NUP93: variants seen among roughly 807,000 people sequenced by gnomAD.
NUP93 encodes nucleoporin 93, also known as nuclear pore complex protein Nup93.
In NUP93, 55 loss-of-function variants were observed where a neutral mutation model predicts 107.8. The observed-to-expected ratio is 0.51, with a 90% CI of 0.41 to 0.64. The LOEUF is 0.64. NUP93 is among the 30% of genes least tolerant of loss of function. NUP93 has a pLI of 0.00. For synonymous variants in NUP93, 390 were observed against 397.5 expected (o/e 0.98, Z 0.22); for missense variants, 937 against 1,044.7 (o/e 0.90, Z 1.42).
chr16:56,756,300 C>CG lies in NUP93; in HGVS notation c.180-2238_180-2237insG, dbSNP rs1226217386. ...CTAATGCTCTCTCTCTCCTTGCCCCCCCCCCCCCCGACAGGCTCCTATGTG... is the reference window on the plus strand; with the variant it reads ...CTAATGCTCTCTCTCTCCTTGCCCCCGCCCCCCCCCGACAGGCTCCTATGTG... On this transcript the variant is annotated intron_variant, in intron 2 of 21. Coordinates refer to ENST00000308159, the MANE Select transcript of NUP93 (RefSeq NM_014669.5). 4.2e-5 allele frequency among the ~76,000 whole-genome samples: 3 copies of CG among 72,096 alleles called. 1 individual carries two copies. The highest frequency in any genetic ancestry group is 1.1e-3 in the East Asian group (2 of 1,752). The allele number at this position is 72,096 out of a possible 152,430, so 47.3% of individuals were successfully genotyped here.
chr16:56,772,896 T>C (rs1434583028), intron 3 of NUP93, among the ~76,000 whole-genome samples: 1 of 152,170 alleles, frequency 6.6e-6, no homozygotes, highest in East Asian at 1.9e-4. Flanking sequence ...GTGCGAAATA[T>C]GTATTTGGTC....
At chr16:56,820,018 T>C (rs1486149377) in intron 6 of NUP93, among the ~76,000 whole-genome samples, 2 of 152,220 alleles carry the variant, frequency 1.3e-5, no homozygotes, top group Admixed American at 1.3e-4. Flanking sequence ...ACCCTTCACC[T>C]TCATTATATG....
At chr16:56,768,744 G>C (rs1348349352) in intron 3 of NUP93, among the ~76,000 whole-genome samples, 1 of 151,364 alleles carries the variant, frequency 6.6e-6, no homozygotes, top group African/African-American at 2.4e-5. Context: ...GCGGGCGCCT[G>C]TAGTCCCAGC....
At chr16:56,818,885 C>A (rs1191729252) in intron 6 of NUP93, 147 bp downstream of exon 6, 6 of 633,204 alleles carry the variant, frequency 9.5e-6, no homozygotes, top group Non-Finnish European at 1.7e-5. Context: ...TTAGCATAGG[C>A]CACTGGAGAA....
intron 3 of NUP93, among the ~76,000 whole-genome samples, chr16:56,771,547 T>TA (rs1218504202): frequency 6.6e-6 from 1 of 152,196 alleles, no homozygotes; most frequent in Non-Finnish European, 1.5e-5. Flanking sequence ...GACCATTTCT[T>TA]ACCTGTTTTC....
intron 5 of NUP93, among the ~76,000 whole-genome samples, chr16:56,806,939 C>T (rs1390432632): frequency 1.3e-5 from 2 of 152,104 alleles, no homozygotes; most frequent in East Asian, 1.9e-4. Context: ...CTGCTACAGT[C>T]TCTTCTCAAC....
chr16:56,758,503 T>A (rs1183319846), intron 2 of NUP93, 35 bp from the exon 3 acceptor site: 1 of 1,505,432 alleles, frequency 6.6e-7, no homozygotes, highest in Admixed American at 1.7e-5. Context: ...AATTTTCCCC[T>A]TACTTATATC....
chr16:56,787,422 T>C (rs1962652641), intron 3 of NUP93, among the ~76,000 whole-genome samples: 1 of 152,192 alleles, frequency 6.6e-6, no homozygotes. Context: ...CAGTGCTCCT[T>C]GTGCTTGCTA....
Position 56,814,613 on chromosome 16 carries a change from C to T in NUP93, c.490-4051C>T, listed in dbSNP as rs373304978. 8.5e-5 allele frequency among the ~76,000 whole-genome samples: 13 copies of T among 152,306 alleles called. No homozygotes were observed. In the East Asian group the frequency reaches 1.9e-3, roughly 23 times the overall value. ...GTTTGCGGTTCCCTCCTGCCACTTT[C>T]GGTCCCCATCCTGTCCTGGAATGGC... On this transcript the variant is annotated intron_variant, in intron 5 of 21. Coordinates refer to ENST00000308159, the MANE Select transcript of NUP93 (RefSeq NM_014669.5).
At chr16:56,798,611 T>A in intron 4 of NUP93, 73 bp downstream of exon 4, 1 of 1,210,320 alleles carries the variant, frequency 8.3e-7, no homozygotes, top group Non-Finnish European at 1.2e-6. Context: ...CTCACATCTG[T>A]AATCCTAACA....
intron 3 of NUP93, among the ~76,000 whole-genome samples, chr16:56,761,042 A>G (rs1363620404): frequency 6.6e-6 from 1 of 152,212 alleles, no homozygotes; most frequent in Non-Finnish European, 1.5e-5. Flanking sequence ...CAAAATGGTC[A>G]GTCCAAGATA....
intron 1 of NUP93, among the ~76,000 whole-genome samples, chr16:56,744,810 A>C (rs774673459): frequency 3.9e-5 from 6 of 152,210 alleles, no homozygotes; most frequent in African/African-American, 7.2e-5. Flanking sequence ...GTGCTGCCTC[A>C]GAAATGTTAA....
In NUP93 at chr16:56,841,811, G is replaced by A. The variant is rs773948257; in HGVS notation, c.2327G>A (p.Arg776Gln). The stretch of plus-strand genomic sequence containing the variant: ...CCATCCTCGTCATCCAGGCCCCAGC[G>A]AGTCATCGAGGACCGCGACTCTGTA... ...TSPSSSSRPQ[R>Q]VIEDRDSQLR... Residue 776 changes from arginine to glutamine, a missense_variant, in exon 21 of 22, where the codon CGA becomes CAA. Coordinates refer to ENST00000308159, the MANE Select transcript of NUP93 (RefSeq NM_014669.5). The A allele has an allele frequency of 5.6e-6, 9 of 1,614,024 alleles. No homozygotes were observed. The highest frequency in any genetic ancestry group is 4.4e-5 in the South Asian group (4 of 91,080).
intron 4 of NUP93, among the ~76,000 whole-genome samples, chr16:56,803,522 G>A (rs187405939): frequency 3.9e-5 from 6 of 151,974 alleles, no homozygotes; most frequent in South Asian, 2.1e-4. Flanking sequence ...TTATTATATC[G>A]TAAGATACTA....
At chr16:56,763,495 T>TGG (rs1555491282) in intron 3 of NUP93, among the ~76,000 whole-genome samples, 1 of 149,742 alleles carries the variant, frequency 6.7e-6, no homozygotes, top group African/African-American at 2.4e-5. Flanking sequence ...TGTGTGTGTG[T>TGG]GTGGGTGGGT....
At position 56,848,406 on chromosome 16, in the gene NUP93, T is replaced by C. The variant is rs2144661763; in HGVS notation, c.*3797T>C. 6.6e-6 allele frequency: 1 copy of C among 152,370 alleles called. No individual in the cohort carries two copies. Among genetic ancestry groups the C allele is most frequent in the South Asian group, 2.1e-4 (1 of 4,830 alleles). The allele number at this position is 152,370 out of a possible 1,614,324, so 9.4% of individuals were successfully genotyped here. ...TGTGTTTTATATCAGAATTGAGCTT[T>C]TGTTCCTGCATCTCAGAAATACCAG... is the stretch of plus-strand genomic sequence containing the variant. On this transcript the variant is annotated 3_prime_UTR_variant, in exon 22 of 22. Transcript: ENST00000308159.
intron 3 of NUP93, among the ~76,000 whole-genome samples, chr16:56,786,007 C>CT: frequency 6.6e-6 from 1 of 152,196 alleles, no homozygotes; most frequent in Admixed American, 6.5e-5. Context: ...CAGTGTGCTT[C>CT]TTTATGGTGA....
intron 18 of NUP93, among the ~76,000 whole-genome samples, chr16:56,838,563 AT>A (rs1208105751): frequency 1.3e-5 from 2 of 151,812 alleles, no homozygotes; most frequent in Non-Finnish European, 2.9e-5. Flanking sequence ...CTTTTTATAC[AT>A]TTTTTTTGTA....
At chr16:56,793,000 T>TGGGGCA (rs1373074632) in intron 3 of NUP93, among the ~76,000 whole-genome samples, 1 of 152,088 alleles carries the variant, frequency 6.6e-6, no homozygotes, top group African/African-American at 2.4e-5. Flanking sequence ...ACCTGTAAAA[T>TGGGGCA]GGGGCAGGGG....
Sources: gnomAD v4.1 joint callset for allele counts (sites outside exome capture counted in the v4.1 genomes callset) on GRCh38, gnomAD v4.1.1 for gene constraint, MANE v1.5 for transcripts, NCBI Gene and HGNC (gene_info 2026-07-23, HGNC 2026-07-21) for gene names.